The following ATP1B4 variants were observed in gnomAD, a reference collection of about 807,000 sequenced individuals.
ATP1B4 encodes ATPase Na+/K+ transporting family member beta 4.
A neutral mutation model predicts 29.6 loss-of-function variants in ATP1B4; 32 were observed. That is an observed-to-expected ratio of 1.08 (90% CI 0.82 to 1.45). The LOEUF is 1.45. Ranked by LOEUF, ATP1B4 falls within the 40% of genes most tolerant of loss-of-function variation. The pLI is 0.00. For missense variants in ATP1B4, 323 were observed against 276.2 expected (o/e 1.17, Z -1.20); for synonymous variants, 127 against 102.1 (o/e 1.24, Z -1.47).
chrX:120,364,047 G>A (rs1255824747), intron 1 of ATP1B4, among the ~76,000 whole-genome samples: 1 of 110,440 alleles, frequency 9.1e-6, no homozygotes, highest in Non-Finnish European at 1.9e-5. Flanking sequence ...TCGGGTGTGA[G>A]AGCTGTAGGG....
chrX:120,382,694 A>G lies in ATP1B4; in HGVS notation c.*3060A>G, dbSNP rs1393690767. 1 of 112,395 alleles carries G rather than the reference A, an allele frequency of 8.9e-6. No homozygotes were observed. Among genetic ancestry groups the G allele is most frequent in the Non-Finnish European group, 1.9e-5 (1 of 53,288 alleles). 9.3% of individuals were successfully genotyped at this position (112,395 alleles called of 1,213,427 possible). ...TCACAGGAATTCAACTACTGGTGCT[A>G]TACTTTATACATAATACATTATCCT... On this transcript the variant is annotated 3_prime_UTR_variant, in exon 8 of 8. Transcript: ENST00000218008.
At chrX:120,374,287 C>T (rs1226323454) in intron 4 of ATP1B4, among the ~76,000 whole-genome samples, 1 of 107,909 alleles carries the variant, frequency 9.3e-6, no homozygotes, top group African/African-American at 3.4e-5. Flanking sequence ...CTTGGGCTGG[C>T]CTCTGGATCC....
In ATP1B4 at chrX:120,370,668, A is replaced by G. The variant is rs148822193; in HGVS notation, c.329-47A>G. On this transcript the variant is annotated intron_variant, in intron 2 of 7. Coordinates refer to ENST00000218008, the MANE Select transcript of ATP1B4 (RefSeq NM_001142447.3). ...TTCATGAGTCCAAGCAGGGAGGAAGAGCTTGTTGGCAAGCACTGACCACTC... is the reference window on the plus strand; with the variant it reads ...TTCATGAGTCCAAGCAGGGAGGAAGGGCTTGTTGGCAAGCACTGACCACTC... 3.1e-4 allele frequency: 365 copies of G among 1,196,491 alleles called. 3 individuals carry two copies. In the East Asian group the frequency reaches 6.1e-3, roughly 20 times the overall value.
intron 5 of ATP1B4, 34 bp from the exon 6 acceptor site, chrX:120,376,345 TA>T (rs200143417): frequency 1.6e-4 from 188 of 1,152,532 alleles, no homozygotes; most frequent in Middle Eastern, 2.4e-4. Context: ...TATGTTTTGT[TA>T]AAAAAAAATA....
chrX:120,378,427 C>A (rs992341041), intron 6 of ATP1B4, among the ~76,000 whole-genome samples: 5 of 111,318 alleles, frequency 4.5e-5, no homozygotes, highest in Non-Finnish European at 9.4e-5. Flanking sequence ...TACTGAGCAC[C>A]TTTGTCCTCC....
At chrX:120,365,129 A>G (rs917363997) in intron 1 of ATP1B4, among the ~76,000 whole-genome samples, 12 of 111,847 alleles carry the variant, frequency 1.1e-4, no homozygotes, top group Non-Finnish European at 1.9e-5. Context: ...CAAGAGACAT[A>G]GGTTCCGAGA....
chrX:120,372,641 A>G (rs2058319551), intron 4 of ATP1B4, among the ~76,000 whole-genome samples: 3 of 112,293 alleles, frequency 2.7e-5, no homozygotes, highest in Non-Finnish European at 5.6e-5. Context: ...ACCACATTCT[A>G]GACCTGCTGA....
intron 1 of ATP1B4, among the ~76,000 whole-genome samples, chrX:120,363,510 C>T (rs1490413643): frequency 1.8e-5 from 2 of 112,496 alleles, no homozygotes; most frequent in Non-Finnish European, 3.8e-5. Context: ...TAAATTAATG[C>T]AATCCTGTGC....
intron 1 of ATP1B4, among the ~76,000 whole-genome samples, chrX:120,365,644 C>T (rs1271253856): frequency 8.9e-6 from 1 of 112,645 alleles, no homozygotes; most frequent in Admixed American, 9.4e-5. Flanking sequence ...ATACAACTCT[C>T]TGGCCTGTGG....
chrX:120,382,976 G>A lies in ATP1B4; in HGVS notation c.*3342G>A, dbSNP rs1397644140. 1 of 112,042 alleles carries A rather than the reference G, an allele frequency of 8.9e-6. No individual in the cohort carries two copies. Among genetic ancestry groups the A allele is most frequent in the East Asian group, 2.8e-4 (1 of 3,589 alleles). 9.2% of individuals were successfully genotyped at this position (112,042 alleles called of 1,213,427 possible). A position where few individuals can be genotyped will look rare whatever the true frequency, so the allele number is the denominator to read the frequency against. ...TTTAAATAGTTCCCCATACCGTGCT[G>A]CATCAGGATTTGATTTGTATGCCAT... On this transcript the variant is annotated 3_prime_UTR_variant, in exon 8 of 8. Coordinates refer to ENST00000218008, the MANE Select transcript of ATP1B4 (RefSeq NM_001142447.3).
rs937814286 is a variant in ATP1B4, at chrX:120,366,633, G to A, written c.172G>A (p.Glu58Lys). 6.6e-6 allele frequency: 8 copies of A among 1,205,348 alleles called. No individual in the cohort carries two copies. The highest frequency in any genetic ancestry group is 9.0e-6 in the Non-Finnish European group (8 of 891,696). ...VPKSEEEEEE[E>K]EKEEEEEEEK... is the part of the protein sequence containing the mutation. ...CAAATCGGAGGAGGAGGAAGAAGAG[G>A]AGGAGAAAGAAGAGGAGGAAGAGGA... is the stretch of plus-strand genomic sequence containing the variant. Residue 58 changes from glutamate to lysine, a missense_variant, in exon 2 of 8, where the codon GAG becomes AAG. Glu to Lys is a moderately conservative substitution (Grantham distance 56, BLOSUM62 1). Transcript: ENST00000218008.
chrX:120,375,586 A>G lies in ATP1B4; in HGVS notation c.759+18A>G. 8.5e-7 allele frequency: 1 copy of G among 1,180,767 alleles called. No homozygotes were observed. The highest frequency in any genetic ancestry group is 1.1e-6 in the Non-Finnish European group (1 of 873,431). ...TGAACCGGGTATATTGGCTTTTCAT[A>G]TCTGGTGGTGATAAGCGAATGAACT... On this transcript the variant is annotated intron_variant, in intron 5 of 7. Coordinates refer to ENST00000218008, the MANE Select transcript of ATP1B4 (RefSeq NM_001142447.3).
intron 4 of ATP1B4, among the ~76,000 whole-genome samples, chrX:120,374,970 C>A (rs1343079889): frequency 9.7e-6 from 1 of 102,867 alleles, no homozygotes; most frequent in Non-Finnish European, 2.0e-5. Context: ...CTTCCAAAAT[C>A]TACCAACTAT....
Position 120,375,291 on chromosome X carries a change from G to A in ATP1B4, c.563-81G>A, listed in dbSNP as rs2058346827. ...CAAACAAGCTGGAGAAAGGAAACTT[G>A]GGAGGGAGGACTACTGAACGCACGG... On this transcript the variant is annotated intron_variant, in intron 4 of 7. Transcript: ENST00000218008. 5.7e-6 allele frequency: 5 copies of A among 877,550 alleles called. No homozygotes were observed. The Admixed American group carries it at 1.4e-4, about 24-fold the overall frequency. 72.3% of individuals were successfully genotyped at this position (877,550 alleles called of 1,213,427 possible).
Position 120,379,542 on chromosome X carries a change from C to T in ATP1B4, c.982C>T (p.Gln328Ter). The T allele has an allele frequency of 1.7e-6, 2 of 1,210,972 alleles. No homozygotes were observed. The highest frequency in any genetic ancestry group is 2.2e-6 in the Non-Finnish European group (2 of 894,861). Residue 328 changes from glutamine (Q) to a stop codon, truncating the protein, a stop_gained, in exon 8 of 8, where the codon CAG (glutamine) becomes TAG (stop). Transcript: ENST00000218008. LOFTEE classifies it high-confidence loss of function. ...GGTGAAGAACCAAGCAGTGCCTGTGCAGTGCCAACTGAAGGGCAAAGGCGT... is the reference window on the plus strand; with the variant it reads ...GGTGAAGAACCAAGCAGTGCCTGTGTAGTGCCAACTGAAGGGCAAAGGCGT... The part of the protein sequence containing the change: ...DVVKNQAVPV[Q>*]CQLKGKGVIN...
At chrX:120,369,916 G>A (rs1569353858) in intron 2 of ATP1B4, among the ~76,000 whole-genome samples, 1 of 111,866 alleles carries the variant, frequency 8.9e-6, no homozygotes, top group East Asian at 2.8e-4. Context: ...TAATCAGCTT[G>A]GAAGTGGTGT....
At chrX:120,372,183 G>T in intron 4 of ATP1B4, among the ~76,000 whole-genome samples, 1 of 112,034 alleles carries the variant, frequency 8.9e-6, no homozygotes, top group Non-Finnish European at 1.9e-5. Flanking sequence ...GAGCACACAG[G>T]TTCTTTATGC....
chrX:120,376,546 T>A (rs1037610645), intron 6 of ATP1B4, 110 bp downstream of exon 6: 1 of 659,686 alleles, frequency 1.5e-6, no homozygotes, highest in African/African-American at 2.2e-5. Context: ...AAAAGGTTAA[T>A]CTTTTCATAA....
At chrX:120,376,635 A>T (rs750449199) in intron 6 of ATP1B4, among the ~76,000 whole-genome samples, 199 bp downstream of exon 6, 75 of 111,716 alleles carry the variant, frequency 6.7e-4, no homozygotes, top group African/African-American at 2.2e-3. Context: ...TGTATAGTGT[A>T]TGTGTGTGTA....
Sources: gnomAD v4.1 joint callset for allele counts (sites outside exome capture counted in the v4.1 genomes callset) on GRCh38, gnomAD v4.1.1 for gene constraint, MANE v1.5 for transcripts, NCBI Gene and HGNC (gene_info 2026-07-23, HGNC 2026-07-21) for gene names.